The following SLIT3 variants were observed in gnomAD, a reference collection of about 807,000 sequenced individuals.
The protein encoded by SLIT3 is slit homolog 3 protein.
A neutral mutation model predicts 184.0 loss-of-function variants in SLIT3; 68 were observed. The ratio of observed to expected loss-of-function variants is 0.37; its 90% CI spans 0.30 to 0.45. The LOEUF (loss-of-function observed/expected upper bound fraction) is 0.45. SLIT3 is among the 20% of genes least tolerant of loss of function. The probability of loss-of-function intolerance (pLI) is 1.00; values close to 1 mark genes in which losing one functional copy is unlikely to be tolerated. For synonymous variants in SLIT3, 831 were observed against 828.6 expected (o/e 1.00, Z -0.05); for missense variants, 1,707 against 2,026.0 (o/e 0.84, Z 3.02).
At chr5:169,089,631 C>A (rs1264909252) in intron 4 of SLIT3, among the ~76,000 whole-genome samples, 1 of 152,198 alleles carries the variant, frequency 6.6e-6, no homozygotes, top group African/African-American at 2.4e-5. Flanking sequence ...TCACACTGAC[C>A]TTTCAGACCC....
At chr5:168,937,407 G>A (rs952242659) in intron 4 of SLIT3, among the ~76,000 whole-genome samples, 2 of 152,200 alleles carry the variant, frequency 1.3e-5, no homozygotes, top group African/African-American at 4.8e-5. Context: ...CTGAGTGAGT[G>A]AGGAGAGAAC....
At chr5:169,244,384 T>A (rs1765509529) in intron 3 of SLIT3, among the ~76,000 whole-genome samples, 1 of 152,150 alleles carries the variant, frequency 6.6e-6, no homozygotes, top group African/African-American at 2.4e-5. Context: ...ACTTCCCTCC[T>A]CCGTGGAAGG....
chr5:168,768,398 G>T, intron 14 of SLIT3: 1 of 415,234 alleles, frequency 2.4e-6, no homozygotes. Context: ...TCCGAAGATT[G>T]CAGCCCTGCT....
At chr5:168,747,910 C>A (rs983326496) in intron 20 of SLIT3, among the ~76,000 whole-genome samples, 46 of 152,162 alleles carry the variant, frequency 3.0e-4, no homozygotes, top group Admixed American at 1.8e-3. Context: ...AATGTTTTCA[C>A]AATTATCCTG....
Position 169,196,161 on chromosome 5 carries a change from GAA to G in SLIT3, c.342-2613_342-2612del, listed in dbSNP as rs35082106. 4.5e-4 allele frequency among the ~76,000 whole-genome samples: 67 copies of G among 148,856 alleles called. 1 individual carries two copies. The highest frequency in any genetic ancestry group is 1.1e-3 in the Admixed American group (16 of 15,070). On this transcript the variant is annotated intron_variant, in intron 3 of 35. Coordinates refer to ENST00000519560, the MANE Select transcript of SLIT3 (RefSeq NM_003062.4). ...TTTGTGTGTTCCCATCACTAAAGTA[GAA>G]AAAAAAAAAGAGGGGGACTCCAGGA...
At chr5:169,047,762 C>T (rs1425510210) in intron 4 of SLIT3, among the ~76,000 whole-genome samples, 1 of 152,078 alleles carries the variant, frequency 6.6e-6, no homozygotes, top group Non-Finnish European at 1.5e-5. Flanking sequence ...TTGTTCCCCT[C>T]ACTTCCCCAG....
chr5:168,707,967 C>G lies in SLIT3; in HGVS notation c.2844+9G>C, dbSNP rs759792796. 4.3e-6 allele frequency: 7 copies of G among 1,613,936 alleles called. No individual in the cohort carries two copies. The highest frequency in any genetic ancestry group is 5.9e-6 in the Non-Finnish European group (7 of 1,179,984). ...GCATGAACACGGGGGGGCAGGGCCT[C>G]CAGCATACCTTGTAGCTGTAGGGGC... On this transcript the variant is annotated intron_variant, in intron 26 of 35. Coordinates refer to ENST00000519560, the MANE Select transcript of SLIT3 (RefSeq NM_003062.4).
rs10064530 is a variant in SLIT3, at chr5:168,851,240, G to A, written c.486-6585C>T. The stretch of plus-strand genomic sequence containing the variant: ...CGGGAGGCTGAGGCAGGAGAATGGC[G>A]TGAACCCGGGAGGCGGAGCTTGCTG... On this transcript the variant is annotated intron_variant, in intron 5 of 35. Coordinates refer to ENST00000519560, the MANE Select transcript of SLIT3 (RefSeq NM_003062.4). Among the ~76,000 whole-genome samples, 146 of 150,392 alleles carry A rather than the reference G, an allele frequency of 9.7e-4. 1 individual carries two copies. Among genetic ancestry groups the A allele is most frequent in the African/African-American group, 3.2e-3 (131 of 41,004 alleles).
intron 4 of SLIT3, among the ~76,000 whole-genome samples, chr5:168,897,656 A>G (rs1172730622): frequency 1.5e-4 from 18 of 116,362 alleles, no homozygotes; most frequent in Non-Finnish European, 2.6e-4. Flanking sequence ...GTACACACAC[A>G]CACACACACA....
At chr5:168,965,720 AG>A (rs1385090096) in intron 4 of SLIT3, among the ~76,000 whole-genome samples, 2 of 152,232 alleles carry the variant, frequency 1.3e-5, no homozygotes. Flanking sequence ...GACACCTAAA[AG>A]TTTACTGTCT....
At chr5:169,284,227 C>A (rs1767083537) in intron 1 of SLIT3, among the ~76,000 whole-genome samples, 1 of 152,198 alleles carries the variant, frequency 6.6e-6, no homozygotes, top group Non-Finnish European at 1.5e-5. Flanking sequence ...GCCAGGGGAT[C>A]TCTAGGGTCA....
At chr5:169,280,350 TC>T (rs1489379439) in intron 1 of SLIT3, among the ~76,000 whole-genome samples, 1 of 152,200 alleles carries the variant, frequency 6.6e-6, no homozygotes, top group African/African-American at 2.4e-5. Flanking sequence ...ATTTTTTTTT[TC>T]TTTTCTGCTA....
intron 3 of SLIT3, among the ~76,000 whole-genome samples, chr5:169,198,567 G>A (rs1010219906): frequency 2.4e-4 from 37 of 152,170 alleles, no homozygotes; most frequent in African/African-American, 8.7e-4. Flanking sequence ...TTTGGGTTTG[G>A]CTTTTTACAG....
rs76326167 is a variant in SLIT3 at position 168,751,228 on chromosome 5, C to T, written c.1974-1593G>A. On this transcript the variant is annotated intron_variant, in intron 18 of 35. Transcript: ENST00000519560. ...CGGCCTTTAGGCCCTCCTCTAACTT[C>T]GGCTTTGATTCCAAGTGCAGTAGGC... is the stretch of plus-strand genomic sequence containing the variant. Among the ~76,000 whole-genome samples, 1,315 of 152,296 alleles carry T rather than the reference C, an allele frequency of 8.6e-3. 83 individuals carry two copies. The East Asian group carries it at 0.16, about 18-fold the overall frequency.
chr5:169,154,435 C>T (rs1049047309), intron 4 of SLIT3, among the ~76,000 whole-genome samples: 8 of 152,230 alleles, frequency 5.3e-5, no homozygotes, highest in Admixed American at 4.6e-4. Flanking sequence ...ACTCTCTACC[C>T]CTTCTGCCTA....
chr5:168,774,667 C>T (rs1256068037), intron 12 of SLIT3, among the ~76,000 whole-genome samples: 1 of 152,138 alleles, frequency 6.6e-6, no homozygotes, highest in Admixed American at 6.5e-5. Context: ...TGAAAAGGCA[C>T]CCTAAGTGCT....
At chr5:168,678,744 G>A (rs960268305) in intron 32 of SLIT3, among the ~76,000 whole-genome samples, 2 of 152,012 alleles carry the variant, frequency 1.3e-5, no homozygotes, top group Admixed American at 1.3e-4. Flanking sequence ...CAAAATAATG[G>A]GAAAATGGCT....
chr5:169,244,905 C>G, intron 2 of SLIT3, 129 bp from the exon 3 acceptor site: 2 of 789,400 alleles, frequency 2.5e-6, no homozygotes, highest in South Asian at 2.9e-5. Flanking sequence ...CAACTGGGAT[C>G]AGTCTGATGG....
At chr5:169,009,021 G>C (rs1352934375) in intron 4 of SLIT3, among the ~76,000 whole-genome samples, 1 of 152,048 alleles carries the variant, frequency 6.6e-6, no homozygotes, top group Non-Finnish European at 1.5e-5. Context: ...GGTCGGGCTG[G>C]GATTTGAACC....
Sources: allele counts gnomAD v4.1 joint callset (sites outside exome capture counted in the v4.1 genomes callset), GRCh38; gene constraint gnomAD v4.1.1; transcripts MANE v1.5; gene names NCBI Gene and HGNC (gene_info 2026-07-23, HGNC 2026-07-21).